The following TBC1D1 variants were observed in gnomAD, a reference collection of about 807,000 sequenced individuals.
TBC1D1 encodes the protein TBC1 domain family member 1, also known as TBC1 (tre-2/USP6, BUB2, cdc16) domain family, member 1.
In TBC1D1, 89 loss-of-function variants were observed where a neutral mutation model predicts 125.6. The observed-to-expected ratio is 0.71, with a 90% CI of 0.60 to 0.85. The LOEUF (loss-of-function observed/expected upper bound fraction) is 0.85, where lower values mean the gene tolerates loss of function less well. Among genes scored for constraint, TBC1D1 ranks in the 40% least tolerant of loss-of-function variants. TBC1D1 has a pLI of 0.00. For synonymous variants in TBC1D1, 565 were observed against 564.1 expected (o/e 1.00, Z -0.02); for missense variants, 1,377 against 1,469.2 (o/e 0.94, Z 1.03).
chr4:37,903,704 G>A (rs1716666832), intron 2 of TBC1D1, among the ~76,000 whole-genome samples: 1 of 152,038 alleles, frequency 6.6e-6, no homozygotes, highest in Non-Finnish European at 1.5e-5. Flanking sequence ...TTCATTTGTT[G>A]GTTCTTCTAG....
chr4:38,031,164 T>G (rs1746050578), intron 7 of TBC1D1, among the ~76,000 whole-genome samples: 1 of 152,228 alleles, frequency 6.6e-6, no homozygotes, highest in South Asian at 2.1e-4. Context: ...GGATAAGAAT[T>G]GCTGTGAAGC....
chr4:37,984,983 T>G (rs1560571558), intron 2 of TBC1D1, among the ~76,000 whole-genome samples: 1 of 152,080 alleles, frequency 6.6e-6, no homozygotes, highest in Admixed American at 6.5e-5. Context: ...GATGGAGTCT[T>G]GCTCTGTCAC....
chr4:38,000,178 C>T (rs1738723549), intron 2 of TBC1D1, among the ~76,000 whole-genome samples: 1 of 152,160 alleles, frequency 6.6e-6, no homozygotes, highest in African/African-American at 2.4e-5. Flanking sequence ...ATATGCAATA[C>T]ATATGCACCA....
At chr4:37,948,057 A>G (rs145954009) in intron 2 of TBC1D1, among the ~76,000 whole-genome samples, 46 of 152,332 alleles carry the variant, frequency 3.0e-4, no homozygotes, top group African/African-American at 8.4e-4. Context: ...AACTTGCCCA[A>G]GGTCACCTAG....
chr4:38,098,991 A>G (rs904984981), intron 14 of TBC1D1, among the ~76,000 whole-genome samples: 1 of 152,240 alleles, frequency 6.6e-6, no homozygotes, highest in African/African-American at 2.4e-5. Context: ...TACACATCAA[A>G]ATGATTTCTC....
chr4:37,951,042 G>C (rs1727756587), intron 2 of TBC1D1, among the ~76,000 whole-genome samples: 1 of 152,142 alleles, frequency 6.6e-6, no homozygotes, highest in Non-Finnish European at 1.5e-5. Flanking sequence ...TGGGATTACA[G>C]GTGTGAGCCA....
intron 4 of TBC1D1, among the ~76,000 whole-genome samples, chr4:38,019,286 G>A (rs1228141463): frequency 1.3e-5 from 2 of 152,030 alleles, no homozygotes; most frequent in East Asian, 1.9e-4. Context: ...TCTGCAAAAT[G>A]TGAAAATAAA....
chr4:38,092,473 G>A (rs1758583088), intron 13 of TBC1D1, among the ~76,000 whole-genome samples: 1 of 152,078 alleles, frequency 6.6e-6, no homozygotes, highest in South Asian at 2.1e-4. Context: ...GCTCACTCCT[G>A]TAATCCCAGC....
At chr4:38,009,089 G>T (rs1740934707) in intron 2 of TBC1D1, among the ~76,000 whole-genome samples, 1 of 152,248 alleles carries the variant, frequency 6.6e-6, no homozygotes, top group Non-Finnish European at 1.5e-5. Flanking sequence ...AGGCATGTAA[G>T]ATAGAGTGAG....
chr4:38,121,445 A>G (rs1274549017), intron 17 of TBC1D1, among the ~76,000 whole-genome samples: 2 of 152,206 alleles, frequency 1.3e-5, no homozygotes, highest in Non-Finnish European at 2.9e-5. Flanking sequence ...GTGCAAAGTA[A>G]TAGAGTCAGC....
At chr4:37,998,602 C>T (rs1017327316) in intron 2 of TBC1D1, among the ~76,000 whole-genome samples, 1 of 152,208 alleles carries the variant, frequency 6.6e-6, no homozygotes, top group African/African-American at 2.4e-5. Flanking sequence ...TGGTCAGTCT[C>T]CTTGCCTCTG....
Position 38,115,702 on chromosome 4 carries a change from T to A in TBC1D1, c.2558-8T>A. 1 of 1,608,784 alleles carries A rather than the reference T, an allele frequency of 6.2e-7. No homozygotes were observed. Among genetic ancestry groups the A allele is most frequent in the Non-Finnish European group, 8.5e-7 (1 of 1,177,372 alleles). On this transcript the variant is annotated splice_region_variant and splice_polypyrimidine_tract_variant and intron_variant, in intron 15 of 19. Transcript: ENST00000261439. ...TATTATTACAACTAATATGTATTCT[T>A]TTCACAGGGCGAACCTTTCCTACAC...
intron 18 of TBC1D1, among the ~76,000 whole-genome samples, chr4:38,128,074 G>A (rs903113093): frequency 2.6e-5 from 4 of 152,120 alleles, no homozygotes; most frequent in African/African-American, 9.7e-5. Flanking sequence ...CACAGGTGGT[G>A]GTTTGCTGAT....
chr4:37,899,931 T>C (rs1160852127), intron 1 of TBC1D1, among the ~76,000 whole-genome samples: 1 of 150,586 alleles, frequency 6.6e-6, no homozygotes, highest in Non-Finnish European at 1.5e-5. Context: ...CCATCCTGGC[T>C]AACACGGTGA....
At chr4:38,105,727 A>G (rs1761184920) in intron 15 of TBC1D1, among the ~76,000 whole-genome samples, 1 of 152,162 alleles carries the variant, frequency 6.6e-6, no homozygotes, top group Admixed American at 6.5e-5. Context: ...GCTTAGGGTA[A>G]TGACCTGCAG....
intron 2 of TBC1D1, among the ~76,000 whole-genome samples, chr4:37,920,664 C>T (rs887487186): frequency 6.6e-6 from 1 of 151,946 alleles, no homozygotes; most frequent in African/African-American, 2.4e-5. Flanking sequence ...GGAGTCAAAA[C>T]GATGAGAGAG....
At chr4:38,066,254 A>T (rs1272862693) in intron 12 of TBC1D1, among the ~76,000 whole-genome samples, 1 of 145,028 alleles carries the variant, frequency 6.9e-6, no homozygotes, top group African/African-American at 2.6e-5. Context: ...CATTTGGGGC[A>T]TTATTAGCAA....
intron 2 of TBC1D1, among the ~76,000 whole-genome samples, chr4:37,978,868 CTTG>C (rs1033388392): frequency 5.3e-5 from 8 of 152,160 alleles, no homozygotes; most frequent in Admixed American, 4.6e-4. Context: ...GATTCTGAAT[CTTG>C]TTATTTCAAA....
rs1742069619 is a variant in TBC1D1 at position 38,014,002 on chromosome 4, T to A, written c.418-507T>A. Among the ~76,000 whole-genome samples, 1 of 152,240 alleles carries A rather than the reference T, an allele frequency of 6.6e-6. No homozygotes were observed. Among genetic ancestry groups the A allele is most frequent in the South Asian group, 2.1e-4 (1 of 4,838 alleles). On this transcript the variant is annotated intron_variant, in intron 2 of 19. Coordinates refer to ENST00000261439, the MANE Select transcript of TBC1D1 (RefSeq NM_015173.4). The surrounding 1 kb of genome is among the most constrained non-coding windows in gnomAD (Gnocchi z 5.1). ...TTATGAGATAATTTCAGAGCCTTTG[T>A]CTTCTTCATCCCACCATTTATTAAA...
Sources: allele counts gnomAD v4.1 joint callset (sites outside exome capture counted in the v4.1 genomes callset), GRCh38; gene constraint gnomAD v4.1.1; non-coding constraint Gnocchi (gnomAD v3.1); transcripts MANE v1.5; gene names NCBI Gene and HGNC (gene_info 2026-07-23, HGNC 2026-07-21).